Variants in BABAM2 observed in about 807,000 individuals in gnomAD.
BABAM2 encodes BRISC and BRCA1 A complex member 2.
BABAM2 carries 31 observed loss-of-function variants against 54.7 expected under a neutral mutation model. That is an observed-to-expected ratio of 0.57 (90% CI 0.43 to 0.77). The LOEUF (loss-of-function observed/expected upper bound fraction) is 0.77, where lower values mean the gene tolerates loss of function less well. BABAM2 is among the 30% of genes least tolerant of loss of function. The pLI, the probability that BABAM2 is intolerant of heterozygous loss-of-function variation, is 0.00. For synonymous variants in BABAM2, 167 were observed against 162.9 expected, an observed-to-expected ratio of 1.03 and a Z score of -0.19; for missense variants, 364 against 455.8, an observed-to-expected ratio of 0.80 and a Z score of 1.83.
At chr2:28,116,207 T>C (rs1668601451) in intron 6 of BABAM2, among the ~76,000 whole-genome samples, 1 of 151,838 alleles carries the variant, frequency 6.6e-6, no homozygotes, top group African/African-American at 2.4e-5. Flanking sequence ...CTGGGAGAAA[T>C]ATATGGTATT....
intron 11 of BABAM2, among the ~76,000 whole-genome samples, chr2:28,311,563 G>A (rs1280167463): frequency 6.6e-6 from 1 of 152,162 alleles, no homozygotes; most frequent in South Asian, 2.1e-4. Flanking sequence ...AAAAAGCAAA[G>A]GATAGTGGCC....
At chr2:28,295,058 A>G (rs367758266) in intron 10 of BABAM2, among the ~76,000 whole-genome samples, 1 of 152,252 alleles carries the variant, frequency 6.6e-6, no homozygotes, top group African/African-American at 2.4e-5. Context: ...CCAGGTAGAT[A>G]CATTTCCTTC....
intron 7 of BABAM2, among the ~76,000 whole-genome samples, chr2:28,180,863 C>T (rs2147881613): frequency 6.6e-6 from 1 of 152,210 alleles, no homozygotes; most frequent in East Asian, 1.9e-4. Flanking sequence ...AAAAAATGCT[C>T]AATGTTACTA....
intron 7 of BABAM2, among the ~76,000 whole-genome samples, chr2:28,218,045 T>C (rs374550191): frequency 2.5e-3 from 377 of 152,360 alleles, no homozygotes; most frequent in African/African-American, 8.7e-3. Flanking sequence ...AACTGTCTTA[T>C]TCCTTTTACA....
intron 10 of BABAM2, among the ~76,000 whole-genome samples, chr2:28,265,200 GC>G (rs989370607): frequency 1.3e-5 from 2 of 152,182 alleles, no homozygotes; most frequent in African/African-American, 4.8e-5. Flanking sequence ...ACTTTGGGAG[GC>G]CGAGGCGGAG....
chr2:28,092,192 T>C (rs1666207017), intron 6 of BABAM2, among the ~76,000 whole-genome samples: 1 of 152,180 alleles, frequency 6.6e-6, no homozygotes, highest in Non-Finnish European at 1.5e-5. Context: ...CTCTTATGAC[T>C]TTTCTATTCA....
At chr2:27,972,416 G>A (rs980118906) in intron 3 of BABAM2, among the ~76,000 whole-genome samples, 1 of 152,174 alleles carries the variant, frequency 6.6e-6, no homozygotes, top group Non-Finnish European at 1.5e-5. Context: ...AATGAGGCAG[G>A]GAGGACATTT....
intron 10 of BABAM2, among the ~76,000 whole-genome samples, chr2:28,257,857 C>G (rs1191898140): frequency 6.6e-6 from 1 of 152,034 alleles, no homozygotes; most frequent in Admixed American, 6.6e-5. Context: ...TGCACTCCAG[C>G]CTGGGTTACA....
intron 7 of BABAM2, among the ~76,000 whole-genome samples, chr2:28,133,921 G>A (rs1269354732): frequency 6.6e-6 from 1 of 152,136 alleles, no homozygotes; most frequent in East Asian, 1.9e-4. Flanking sequence ...CCAGGGTCGT[G>A]GAATAGTTGT....
intron 11 of BABAM2, among the ~76,000 whole-genome samples, chr2:28,316,824 G>A (rs892863113): frequency 2.0e-5 from 3 of 152,158 alleles, no homozygotes; most frequent in Non-Finnish European, 4.4e-5. Flanking sequence ...CAAGGATCAT[G>A]GATATCGAAG....
At chr2:28,191,411 A>G (rs1676893396) in intron 7 of BABAM2, among the ~76,000 whole-genome samples, 1 of 152,134 alleles carries the variant, frequency 6.6e-6, no homozygotes, top group Non-Finnish European at 1.5e-5. Flanking sequence ...GAGAAATGAA[A>G]GCATACATCT....
At chr2:27,943,064 T>G (rs1439291858) in intron 3 of BABAM2, among the ~76,000 whole-genome samples, 2 of 152,180 alleles carry the variant, frequency 1.3e-5, no homozygotes, top group Non-Finnish European at 2.9e-5. Flanking sequence ...GTGTTGGGAT[T>G]GCAGGCGTGA....
At chr2:28,033,293 T>C (rs970913164) in intron 5 of BABAM2, among the ~76,000 whole-genome samples, 78 of 152,148 alleles carry the variant, frequency 5.1e-4, no homozygotes, top group Admixed American at 5.1e-3. Flanking sequence ...GATGTGTGTA[T>C]CAGAAGAACC....
chr2:28,235,655 T>C (rs1037015190), intron 7 of BABAM2, among the ~76,000 whole-genome samples: 1 of 151,710 alleles, frequency 6.6e-6, no homozygotes, highest in Non-Finnish European at 1.5e-5. Flanking sequence ...TTTTTGTTTG[T>C]TTGTTTGTTT....
chr2:28,202,903 T>G (rs1678432269), intron 7 of BABAM2, among the ~76,000 whole-genome samples: 1 of 152,180 alleles, frequency 6.6e-6, no homozygotes, highest in Admixed American at 6.5e-5. Context: ...TTTACTGCAG[T>G]TAATTATGGC....
chr2:28,162,280 G>A (rs12328574), intron 7 of BABAM2, among the ~76,000 whole-genome samples: 71,949 of 151,906 alleles, frequency 0.47, 17,610 homozygotes, highest in Middle Eastern at 0.6. Flanking sequence ...CACCTGAAAT[G>A]TACATGGCTC....
At chr2:27,892,851 G>C (rs1664976004) in intron 1 of BABAM2, among the ~76,000 whole-genome samples, 1 of 152,162 alleles carries the variant, frequency 6.6e-6, no homozygotes, top group Middle Eastern at 3.2e-3. Context: ...AGAAGAGCTT[G>C]TTTTATATTT....
chr2:28,033,319 A>G (rs929658087), intron 5 of BABAM2, among the ~76,000 whole-genome samples: 1 of 152,076 alleles, frequency 6.6e-6, no homozygotes. Context: ...GTCTTAGTCC[A>G]TTTTCTGTTG....
intron 7 of BABAM2, among the ~76,000 whole-genome samples, chr2:28,232,901 T>C (rs1573895896): frequency 1.3e-5 from 2 of 152,330 alleles, no homozygotes; most frequent in South Asian, 4.1e-4. Context: ...AGTTCTTACA[T>C]TTGAGTTTTA....
Sources: gnomAD v4.1 joint callset for allele counts (sites outside exome capture counted in the v4.1 genomes callset) on GRCh38, gnomAD v4.1.1 for gene constraint, MANE v1.5 for transcripts, NCBI Gene and HGNC (gene_info 2026-07-23, HGNC 2026-07-21) for gene names.